The following TMPRSS7 variants were observed in gnomAD, a reference collection of about 807,000 sequenced individuals.
TMPRSS7 encodes the protein transmembrane serine protease 7.
Under a neutral mutation model 95.6 loss-of-function variants are expected in TMPRSS7, and 81 were observed. The observed-to-expected ratio is 0.85, with a 90% CI of 0.71 to 1.02. The LOEUF (loss-of-function observed/expected upper bound fraction) is 1.02, where lower values mean the gene tolerates loss of function less well. Ranked by LOEUF, TMPRSS7 falls within the 50% of genes least tolerant of loss-of-function variation. The pLI is 0.00. For missense variants in TMPRSS7, 945 were observed against 955.2 expected (o/e 0.99, Z 0.14); for synonymous variants, 364 against 337.8 (o/e 1.08, Z -0.85).
At chr3:112,047,502 C>G (rs960305602) in intron 6 of TMPRSS7, 14 of 635,124 alleles carry the variant, frequency 2.2e-5, no homozygotes, top group Middle Eastern at 4.9e-4. Flanking sequence ...GGGTTATGTG[C>G]CCACCTCTGA....
At chr3:112,081,265 T>C (rs1287891534), downstream of TMPRSS7, 11 of 244,582 alleles carry the variant, frequency 4.5e-5, no homozygotes, top group East Asian at 9.0e-4. Context: ...ACCCTGTCTC[T>C]ACTGAAAAAA....
At chr3:112,041,064 T>C (rs1461209848) in intron 2 of TMPRSS7, among the ~76,000 whole-genome samples, 7 of 141,864 alleles carry the variant, frequency 4.9e-5, no homozygotes, top group Admixed American at 3.8e-4. Context: ...ATTTGAATTT[T>C]AGAGTCTGCA....
chr3:112,046,997 T>C, exon 6 of TMPRSS7: 1 of 702,822 alleles, frequency 1.4e-6, no homozygotes, highest in Non-Finnish European at 2.6e-6. Flanking sequence ...GGATTACTCG[T>C]CAACCATAGG....
chr3:112,071,128 T>A (rs1015668606), intron 13 of TMPRSS7, among the ~76,000 whole-genome samples: 1 of 152,244 alleles, frequency 6.6e-6, no homozygotes, highest in Non-Finnish European at 1.5e-5. Context: ...GGAGCTCTTG[T>A]AAGGCAGGCC....
At chr3:112,054,940 C>A (rs916937811) in intron 9 of TMPRSS7, among the ~76,000 whole-genome samples, 2 of 151,914 alleles carry the variant, frequency 1.3e-5, no homozygotes, top group Non-Finnish European at 2.9e-5. Flanking sequence ...GGAGTTTCAC[C>A]GTGTTAGCCT....
chr3:112,054,778 T>A, intron 9 of TMPRSS7, among the ~76,000 whole-genome samples: 1 of 136,168 alleles, frequency 7.3e-6, no homozygotes, highest in East Asian at 2.3e-4. Flanking sequence ...TCTCGTTCTG[T>A]CGCCCACGCT....
chr3:112,046,366 G>T lies in TMPRSS7; in HGVS notation c.691+423G>T, dbSNP rs932443102. 1.4e-4 allele frequency among the ~76,000 whole-genome samples: 21 copies of T among 152,212 alleles called. No individual in the cohort carries two copies. The East Asian group carries it at 3.7e-3, about 27-fold the overall frequency. On this transcript the variant is annotated intron_variant, in intron 5 of 17. Transcript: ENST00000452346. ...AACAGCTTGCTTCATAGCCCCAAAT[G>T]CAAATTTCATTGTTTGCCTTGATAG...
chr3:112,081,085 T>C, exon 18 of TMPRSS7: 1 of 1,591,866 alleles, frequency 6.3e-7, no homozygotes, highest in African/African-American at 1.4e-5. Context: ...TCTTTTGTAA[T>C]TGTACCAGTT....
chr3:112,068,898 GC>G (rs2073608818), intron 13 of TMPRSS7, among the ~76,000 whole-genome samples: 1 of 152,124 alleles, frequency 6.6e-6, no homozygotes, highest in East Asian at 1.9e-4. Context: ...TTTGTCTTGG[GC>G]CAGTTTTCAA....
intron 4 of TMPRSS7, 132 bp from the exon 5 acceptor site, chr3:112,045,618 G>C: frequency 1.3e-6 from 1 of 780,140 alleles, no homozygotes; most frequent in Non-Finnish European, 2.0e-6. Flanking sequence ...AGACGTCAAT[G>C]ACTACCTAAA....
chr3:112,070,117 T>A (rs978397770), intron 13 of TMPRSS7, among the ~76,000 whole-genome samples: 1 of 152,260 alleles, frequency 6.6e-6, no homozygotes, highest in Non-Finnish European at 1.5e-5. Context: ...GGTTATGCAG[T>A]TTCCATGAAG....
Position 112,066,479 on chromosome 3 carries a change from G to C in TMPRSS7, c.1643G>C (p.Arg548Pro), listed in dbSNP as rs769383151. The change falls in exon 13 of 18, where the codon CGG (arginine) becomes CCG (proline). Residue 548 changes from arginine to proline, a missense_variant. Coordinates refer to ENST00000452346, the Ensembl canonical transcript of TMPRSS7. ...GGCTTCAGGGACTGTGAGAATGGCCGGGATGAGCAAAACTGCACTCAAAGT... is the reference window on the plus strand; with the variant it reads ...GGCTTCAGGGACTGTGAGAATGGCCCGGATGAGCAAAACTGCACTCAAAGT... 8 of 1,613,878 alleles carry C rather than the reference G, an allele frequency of 5.0e-6. No individual in the cohort carries two copies. The South Asian group carries it at 8.8e-5, about 18-fold the overall frequency.
chr3:112,078,659 T>C (rs2073741059), intron 16 of TMPRSS7, 83 bp from the exon 17 acceptor site: 3 of 1,550,674 alleles, frequency 1.9e-6, no homozygotes, highest in South Asian at 1.2e-5. Context: ...AAGGAGATAA[T>C]GTGTGTTAAC....
At position 112,038,751 on chromosome 3, in the gene TMPRSS7, G is replaced by T. The variant is rs547384366; in HGVS notation, c.298+430G>T. Among the ~76,000 whole-genome samples the T allele has an allele frequency of 4.6e-5, 7 of 152,210 alleles. 1 individual carries two copies. In the South Asian group the frequency reaches 1.5e-3, roughly 32 times the overall value. Reference sequence around the variant, plus strand: ...CCCACCTTGGCCTTCCAAAGTGCTAGGATTACAGGCGTGAACCATGGTGCC... The same window carrying T: ...CCCACCTTGGCCTTCCAAAGTGCTATGATTACAGGCGTGAACCATGGTGCC... On this transcript the variant is annotated intron_variant, in intron 2 of 17. Transcript: ENST00000452346.
At position 112,073,475 on chromosome 3, in the gene TMPRSS7, T is replaced by C. The variant is rs1300485420; in HGVS notation, c.1667-821T>C. Among the ~76,000 whole-genome samples, 5 of 152,324 alleles carry C rather than the reference T, an allele frequency of 3.3e-5. No individual in the cohort carries two copies. The South Asian group carries it at 1.0e-3, about 32-fold the overall frequency. The stretch of plus-strand genomic sequence containing the variant: ...ATCTCATTGTGGTTTTGATTTGCAT[T>C]TCTCTGATGACCAGTGATGATGAGC... On this transcript the variant is annotated intron_variant, in intron 13 of 17. Coordinates refer to ENST00000452346, the Ensembl canonical transcript of TMPRSS7.
chr3:112,036,045 G>A (rs568492721), intron 1 of TMPRSS7, among the ~76,000 whole-genome samples: 11 of 152,066 alleles, frequency 7.2e-5, no homozygotes, highest in African/African-American at 2.4e-4. Context: ...CATGCTTTAC[G>A]AACAATTTGT....
intron 13 of TMPRSS7, among the ~76,000 whole-genome samples, chr3:112,071,101 G>A (rs1005632591): frequency 7.9e-5 from 12 of 152,276 alleles, no homozygotes; most frequent in Non-Finnish European, 1.6e-4. Flanking sequence ...CCCTTTCCAT[G>A]TTTAGTGCTT....
chr3:112,080,864 G>GA (rs751829151), intron 17 of TMPRSS7, 50 bp from the exon 18 acceptor site: 1 of 1,542,702 alleles, frequency 6.5e-7, no homozygotes, highest in South Asian at 1.3e-5. Flanking sequence ...AGATGAAACT[G>GA]ATGATCATGG....
chr3:112,072,069 C>A (rs542152841), intron 13 of TMPRSS7, among the ~76,000 whole-genome samples: 1 of 152,296 alleles, frequency 6.6e-6, no homozygotes, highest in Admixed American at 6.5e-5. Context: ...CTGGTTTCTC[C>A]CCATCTTTGT....
Sources: allele counts gnomAD v4.1 joint callset (sites outside exome capture counted in the v4.1 genomes callset), GRCh38; gene constraint gnomAD v4.1.1; transcripts MANE v1.5; gene names NCBI Gene and HGNC (gene_info 2026-07-23, HGNC 2026-07-21).